Variants in NKAIN2 observed in about 807,000 individuals in gnomAD.
NKAIN2 encodes sodium/potassium transporting ATPase interacting 2, also known as sodium/potassium-transporting ATPase subunit beta-1-interacting protein 2.
In NKAIN2, 14 loss-of-function variants were observed where a neutral mutation model predicts 32.6. That is an observed-to-expected ratio of 0.43 (90% confidence interval 0.28 to 0.67). The LOEUF (loss-of-function observed/expected upper bound fraction) is 0.67, where lower values mean the gene tolerates loss of function less well. NKAIN2 is among the 30% of genes least tolerant of loss of function. The probability of loss-of-function intolerance (pLI) is 0.17; values close to 1 mark genes in which losing one functional copy is unlikely to be tolerated. For missense variants in NKAIN2, 198 were observed against 258.3 expected (o/e 0.77, Z 1.60); for synonymous variants, 80 against 87.2 (o/e 0.92, Z 0.46).
chr6:124,437,872 A>ATTTTTTTTTTTTTTTTTTTTTTTTTTTT (rs374033234), intron 3 of NKAIN2: 1 of 325,394 alleles, frequency 3.1e-6, no homozygotes, highest in Non-Finnish European at 5.8e-6. Context: ...TGATCTATTG[A>ATTTTTTTTTTTTTTTTTTTTTTTTTTTT]TTTTTTTTTT....
At chr6:124,808,752 C>T (rs1376625603) in intron 5 of NKAIN2, among the ~76,000 whole-genome samples, 4 of 152,252 alleles carry the variant, frequency 2.6e-5, no homozygotes, top group East Asian at 1.9e-4. Context: ...TCTGCCCAAA[C>T]TCTCCTTAAG....
At chr6:124,181,083 G>T (rs1789424478) in intron 1 of NKAIN2, among the ~76,000 whole-genome samples, 1 of 152,126 alleles carries the variant, frequency 6.6e-6, no homozygotes, top group African/African-American at 2.4e-5. Context: ...CTAGGCAGAG[G>T]TTCCCAAACC....
At chr6:123,870,647 A>G (rs1772822814) in intron 1 of NKAIN2, among the ~76,000 whole-genome samples, 1 of 152,164 alleles carries the variant, frequency 6.6e-6, no homozygotes, top group Non-Finnish European at 1.5e-5. Flanking sequence ...TAGGTATTAT[A>G]TTGTTATTTG....
At chr6:124,539,642 A>C (rs1238590703) in intron 3 of NKAIN2, among the ~76,000 whole-genome samples, 5 of 152,206 alleles carry the variant, frequency 3.3e-5, no homozygotes, top group African/African-American at 7.2e-5. Flanking sequence ...ATAGTGATTA[A>C]AGAAAGGAAA....
At chr6:124,165,464 T>C (rs1416583747) in intron 1 of NKAIN2, among the ~76,000 whole-genome samples, 3 of 152,108 alleles carry the variant, frequency 2.0e-5, no homozygotes, top group Non-Finnish European at 4.4e-5. Context: ...AAATGATGTG[T>C]TAGTAAAATA....
intron 3 of NKAIN2, among the ~76,000 whole-genome samples, chr6:124,598,310 G>A (rs949151520): frequency 7.2e-5 from 11 of 152,014 alleles, no homozygotes; most frequent in Non-Finnish European, 1.2e-4. Flanking sequence ...AACTTGTTTG[G>A]TTTTATCATG....
rs1318659834 is a variant in NKAIN2, at chr6:123,961,395, T to G, written c.54+157141T>G. On this transcript the variant is annotated intron_variant, in intron 1 of 6. Transcript: ENST00000368417. ...GGCTAGAAAAACACTTTAGAAAAAATGTGAACAATCAAAGCACAATTGCCA... is the reference window on the plus strand; with the variant it reads ...GGCTAGAAAAACACTTTAGAAAAAAGGTGAACAATCAAAGCACAATTGCCA... Among the ~76,000 whole-genome samples the G allele has an allele frequency of 2.0e-5, 3 of 152,158 alleles. No homozygotes were observed. The East Asian group carries it at 5.8e-4, about 29-fold the overall frequency.
At chr6:123,836,777 TA>T (rs1214326171) in intron 1 of NKAIN2, among the ~76,000 whole-genome samples, 1 of 152,140 alleles carries the variant, frequency 6.6e-6, no homozygotes, top group African/African-American at 2.4e-5. Context: ...ATGTTAACAT[TA>T]GGGGAAGTGT....
chr6:124,626,102 C>T (rs1332471878), intron 3 of NKAIN2, among the ~76,000 whole-genome samples: 1 of 115,344 alleles, frequency 8.7e-6, no homozygotes, highest in Non-Finnish European at 1.7e-5. Flanking sequence ...ACTCCCCACA[C>T]CCCACAACAG....
In NKAIN2 at chr6:124,634,556, A is replaced by C. The variant is rs550366334; in HGVS notation, c.274-23630A>C. Among the ~76,000 whole-genome samples the C allele has an allele frequency of 5.9e-5, 9 of 152,274 alleles. No homozygotes were observed. The South Asian group carries it at 6.2e-4, about 11-fold the overall frequency. On this transcript the variant is annotated intron_variant, in intron 3 of 6. Coordinates refer to ENST00000368417, the MANE Select transcript of NKAIN2 (RefSeq NM_001040214.3). ...TTGAAATAAGCCAGTCACACACACA[A>C]AAAAAGAATAATAAAAGCCTATGTT...
chr6:124,169,959 G>A (rs79883578), intron 1 of NKAIN2, among the ~76,000 whole-genome samples: 144 of 152,200 alleles, frequency 9.5e-4, no homozygotes, highest in African/African-American at 3.4e-3. Flanking sequence ...GATTTAGTTA[G>A]GGAACTTTGG....
At chr6:124,402,529 T>C (rs917658607) in intron 3 of NKAIN2, among the ~76,000 whole-genome samples, 1 of 152,224 alleles carries the variant, frequency 6.6e-6, no homozygotes, top group East Asian at 1.9e-4. Flanking sequence ...ATATAAGGTC[T>C]TGATATAAAT....
At chr6:124,760,369 A>G (rs1386776109) in intron 4 of NKAIN2, among the ~76,000 whole-genome samples, 1 of 119,484 alleles carries the variant, frequency 8.4e-6, no homozygotes, top group East Asian at 2.9e-4. Context: ...CCACCTACAC[A>G]AGCTTACCTG....
At chr6:124,093,693 A>AG (rs1784525276) in intron 1 of NKAIN2, among the ~76,000 whole-genome samples, 1 of 152,136 alleles carries the variant, frequency 6.6e-6, no homozygotes, top group Non-Finnish European at 1.5e-5. Context: ...CATTTACGAC[A>AG]GGAAAATTGA....
intron 1 of NKAIN2, among the ~76,000 whole-genome samples, chr6:124,087,876 C>T (rs1412784320): frequency 6.6e-6 from 1 of 151,920 alleles, no homozygotes; most frequent in African/African-American, 2.4e-5. Flanking sequence ...ACACAGCTGA[C>T]AATGCCAGTT....
intron 1 of NKAIN2, among the ~76,000 whole-genome samples, chr6:124,266,609 T>G (rs995818907): frequency 6.6e-6 from 1 of 152,170 alleles, no homozygotes; most frequent in Non-Finnish European, 1.5e-5. Context: ...CCATGACATT[T>G]TACTACTTGG....
intron 2 of NKAIN2, among the ~76,000 whole-genome samples, chr6:124,305,377 A>G (rs543874284): frequency 6.6e-6 from 1 of 152,280 alleles, no homozygotes. Flanking sequence ...ATAAATTCAA[A>G]TAATATTTAT....
chr6:124,426,122 A>T (rs1266979748), intron 3 of NKAIN2, among the ~76,000 whole-genome samples: 2 of 152,160 alleles, frequency 1.3e-5, no homozygotes, highest in Non-Finnish European at 2.9e-5. Context: ...TTTTCCAAAG[A>T]TTGTTGCAAC....
intron 1 of NKAIN2, among the ~76,000 whole-genome samples, chr6:123,825,714 A>G (rs9388283): frequency 0.12 from 18,342 of 152,120 alleles, 1,898 homozygotes; most frequent in East Asian, 0.56. Flanking sequence ...AACTGTGGAC[A>G]TGTCAAAACA....
Sources: allele counts gnomAD v4.1 joint callset (sites outside exome capture counted in the v4.1 genomes callset), GRCh38; gene constraint gnomAD v4.1.1; transcripts MANE v1.5; gene names NCBI Gene and HGNC (gene_info 2026-07-23, HGNC 2026-07-21).